CCSER1: variants seen among roughly 807,000 people sequenced by gnomAD.
CCSER1 encodes coiled-coil serine rich protein 1, also known as serine-rich coiled-coil domain-containing protein 1.
CCSER1 carries 41 observed loss-of-function variants against 82.0 expected under a neutral mutation model. That is an observed-to-expected ratio of 0.50 (90% CI 0.39 to 0.65). The LOEUF (loss-of-function observed/expected upper bound fraction) is 0.65, where lower values mean the gene tolerates loss of function less well. Ranked by LOEUF, CCSER1 falls within the 30% of genes least tolerant of loss-of-function variation. The pLI is 0.00. For missense variants in CCSER1, 1,119 were observed against 1,064.2 expected, an observed-to-expected ratio of 1.05 and a Z score of -0.72; for synonymous variants, 414 against 383.9, an observed-to-expected ratio of 1.08 and a Z score of -0.92.
chr4:91,347,669 C>T (rs2149295203), intron 10 of CCSER1, among the ~76,000 whole-genome samples: 1 of 151,870 alleles, frequency 6.6e-6, no homozygotes, highest in Non-Finnish European at 1.5e-5. Context: ...TAGTTTTTCT[C>T]ATACAGATTT....
intron 4 of CCSER1, among the ~76,000 whole-genome samples, chr4:90,433,042 A>G (rs1328014738): frequency 1.3e-5 from 2 of 152,028 alleles, no homozygotes; most frequent in Non-Finnish European, 2.9e-5. Context: ...AGTGGTGGTA[A>G]ATCACAAAGC....
At chr4:90,378,264 A>G (rs1748672550) in intron 3 of CCSER1, among the ~76,000 whole-genome samples, 1 of 152,148 alleles carries the variant, frequency 6.6e-6, no homozygotes, top group Non-Finnish European at 1.5e-5. Flanking sequence ...GGAAACTGCA[A>G]TAATTAATAA....
chr4:90,383,491 A>G (rs1030541386), intron 3 of CCSER1, among the ~76,000 whole-genome samples: 2 of 152,296 alleles, frequency 1.3e-5, no homozygotes, highest in African/African-American at 4.8e-5. Context: ...TTCTCTTTCA[A>G]AACTTTCCAA....
chr4:90,972,452 G>A lies in CCSER1; in HGVS notation c.2172+49005G>A, dbSNP rs191119291. Among the ~76,000 whole-genome samples the A allele has an allele frequency of 4.2e-3, 634 of 151,606 alleles. 12 individuals carry two copies. The highest frequency in any genetic ancestry group is 0.015 in the African/African-American group (607 of 41,400). ...ATCATAAGAAATAAAAAAAACTTAA[G>A]AATAAATTTAACCAACAAAGTGAAA... On this transcript the variant is annotated intron_variant, in intron 9 of 10. Coordinates refer to ENST00000509176, the MANE Select transcript of CCSER1 (RefSeq NM_001145065.2).
intron 10 of CCSER1, among the ~76,000 whole-genome samples, chr4:91,165,209 G>A (rs769721646): frequency 1.3e-5 from 2 of 152,176 alleles, no homozygotes; most frequent in Non-Finnish European, 2.9e-5. Context: ...CAGGTCTGTT[G>A]CAGTTTGCTG....
At chr4:90,645,169 A>G (rs567314514) in intron 6 of CCSER1, among the ~76,000 whole-genome samples, 1 of 152,192 alleles carries the variant, frequency 6.6e-6, no homozygotes, top group South Asian at 2.1e-4. Flanking sequence ...CCACCTTTCT[A>G]AGTCTCTGAT....
chr4:91,109,402 A>G (rs1725904013), intron 10 of CCSER1, among the ~76,000 whole-genome samples: 1 of 152,072 alleles, frequency 6.6e-6, no homozygotes, highest in Non-Finnish European at 1.5e-5. Context: ...CTCCAGAGAA[A>G]CCTAACTAAT....
intron 7 of CCSER1, among the ~76,000 whole-genome samples, chr4:90,800,711 G>A (rs996192930): frequency 2.3e-5 from 3 of 132,222 alleles, no homozygotes; most frequent in Admixed American, 7.5e-5. Flanking sequence ...GTTCCAAATC[G>A]ATTTTTAATG....
intron 1 of CCSER1, among the ~76,000 whole-genome samples, chr4:90,294,533 TATGTCCA>T (rs1331737634): frequency 1.3e-5 from 2 of 152,094 alleles, no homozygotes; most frequent in Non-Finnish European, 2.9e-5. Context: ...CATTTTCTGA[TATGTCCA>T]ATCTCCTATT....
chr4:90,616,353 A>G (rs1721196410), intron 5 of CCSER1, among the ~76,000 whole-genome samples: 1 of 152,082 alleles, frequency 6.6e-6, no homozygotes, highest in Admixed American at 6.6e-5. Flanking sequence ...CCAGTATGTT[A>G]CACTCTTCTA....
intron 10 of CCSER1, among the ~76,000 whole-genome samples, chr4:91,190,771 T>C (rs948502949): frequency 6.6e-6 from 1 of 152,190 alleles, no homozygotes; most frequent in Non-Finnish European, 1.5e-5. Flanking sequence ...TCCCCTGAAT[T>C]GTCTATTAGT....
chr4:90,422,016 G>C (rs868274154), intron 4 of CCSER1, among the ~76,000 whole-genome samples: 2 of 152,070 alleles, frequency 1.3e-5, no homozygotes, highest in Admixed American at 6.5e-5. Context: ...TTAACTAAAG[G>C]CATAATCAAT....
chr4:91,138,782 G>C (rs1728735001), intron 10 of CCSER1, among the ~76,000 whole-genome samples: 1 of 150,196 alleles, frequency 6.7e-6, no homozygotes, highest in Non-Finnish European at 1.5e-5. Flanking sequence ...CGAAGGACAT[G>C]AACAGACACT....
At chr4:91,349,969 T>A (rs1422342948) in intron 10 of CCSER1, among the ~76,000 whole-genome samples, 2 of 152,106 alleles carry the variant, frequency 1.3e-5, no homozygotes, top group Non-Finnish European at 2.9e-5. Context: ...GGGAGCAATA[T>A]ATTGCCCTTT....
At chr4:91,137,302 A>G (rs200201711) in intron 10 of CCSER1, among the ~76,000 whole-genome samples, 2 of 80,438 alleles carry the variant, frequency 2.5e-5, no homozygotes, top group Non-Finnish European at 5.7e-5. Flanking sequence ...GAGAATGATG[A>G]TTTCCAATTT....
chr4:90,463,864 C>T (rs939581218), intron 4 of CCSER1, among the ~76,000 whole-genome samples: 1 of 151,708 alleles, frequency 6.6e-6, no homozygotes, highest in Admixed American at 6.6e-5. Context: ...CTGATGAATC[C>T]TTAGTAGTTT....
At chr4:90,747,264 A>C (rs1478309087) in intron 7 of CCSER1, among the ~76,000 whole-genome samples, 1 of 152,234 alleles carries the variant, frequency 6.6e-6, no homozygotes, top group Non-Finnish European at 1.5e-5. Flanking sequence ...TCTAGAATGA[A>C]AGTTACCTGA....
intron 10 of CCSER1, among the ~76,000 whole-genome samples, chr4:91,225,863 C>T (rs937787389): frequency 6.6e-6 from 1 of 151,860 alleles, no homozygotes; most frequent in Non-Finnish European, 1.5e-5. Context: ...AGAGGTGATT[C>T]TTATGGTAGA....
chr4:90,131,343 G>A (rs2153314091), intron 1 of CCSER1, among the ~76,000 whole-genome samples: 1 of 152,342 alleles, frequency 6.6e-6, no homozygotes, highest in African/African-American at 2.4e-5. Context: ...TATTACTACA[G>A]TAGTGCAATA....
Sources: gnomAD v4.1 joint callset for allele counts (sites outside exome capture counted in the v4.1 genomes callset) on GRCh38, gnomAD v4.1.1 for gene constraint, MANE v1.5 for transcripts, NCBI Gene and HGNC (gene_info 2026-07-23, HGNC 2026-07-21) for gene names.